Variants in CSMD1 observed in about 807,000 individuals in gnomAD.
The protein encoded by CSMD1 is CUB and Sushi multiple domains 1.
A neutral mutation model predicts 417.5 loss-of-function variants in CSMD1; 213 were observed. The ratio of observed to expected loss-of-function variants is 0.51; its 90% CI spans 0.46 to 0.57. The LOEUF is 0.57. CSMD1 is among the 20% of genes least tolerant of loss of function. The probability of loss-of-function intolerance (pLI) is 0.00; values close to 1 mark genes in which losing one functional copy is unlikely to be tolerated. For synonymous variants in CSMD1, 2,862 were observed against 1,736.8 expected (o/e 1.65, Z -16.11); for missense variants, 6,923 against 4,529.7 (o/e 1.53, Z -15.17).
intron 2 of CSMD1, among the ~76,000 whole-genome samples, chr8:4,526,032 C>T (rs940837692): frequency 1.4e-4 from 22 of 152,104 alleles, no homozygotes; most frequent in African/African-American, 4.1e-4. Flanking sequence ...AGGAGTGGAG[C>T]GGGTGATGAA....
At chr8:3,755,923 T>A (rs1797630966) in intron 5 of CSMD1, among the ~76,000 whole-genome samples, 1 of 152,136 alleles carries the variant, frequency 6.6e-6, no homozygotes. Flanking sequence ...CACCTTTTTT[T>A]ATTTTTCTGG....
In CSMD1 at chr8:4,189,538, G is replaced by T. The variant is rs950915852; in HGVS notation, c.416-157439C>A. 2.1e-4 allele frequency among the ~76,000 whole-genome samples: 32 copies of T among 152,144 alleles called. 1 individual carries two copies. The highest frequency in any genetic ancestry group is 6.7e-4 in the African/African-American group (28 of 41,490). On this transcript the variant is annotated intron_variant, in intron 3 of 69. Transcript: ENST00000635120. ...TATATTAAAGATCAATCAACTTTATGGTTACCATCAATTATCCCTCCAAAA... is the reference window on the plus strand; with the variant it reads ...TATATTAAAGATCAATCAACTTTATTGTTACCATCAATTATCCCTCCAAAA...
intron 3 of CSMD1, among the ~76,000 whole-genome samples, chr8:4,264,709 AC>A (rs1420824498): frequency 4.6e-5 from 7 of 152,286 alleles, no homozygotes; most frequent in African/African-American, 7.2e-5. Flanking sequence ...CTTAAAACAA[AC>A]ACTGATTAAC....
chr8:3,703,795 G>C (rs114815744), intron 7 of CSMD1, among the ~76,000 whole-genome samples: 5,788 of 152,208 alleles, frequency 0.038, 367 homozygotes, highest in African/African-American at 0.13. Context: ...TCTCAGCTGG[G>C]CATGGTGGCT....
intron 3 of CSMD1, among the ~76,000 whole-genome samples, chr8:4,206,097 G>C (rs191406227): frequency 3.1e-4 from 47 of 152,170 alleles, no homozygotes; most frequent in African/African-American, 9.6e-4. Flanking sequence ...TGAGTAAATA[G>C]GATAAACAAC....
At chr8:4,435,510 AC>A (rs1453041220) in intron 2 of CSMD1, among the ~76,000 whole-genome samples, 1 of 152,182 alleles carries the variant, frequency 6.6e-6, no homozygotes, top group African/African-American at 2.4e-5. Context: ...GTCCAGGAAA[AC>A]TGAAACCTTA....
intron 37 of CSMD1, among the ~76,000 whole-genome samples, chr8:3,178,458 T>C (rs1448146901): frequency 2.0e-5 from 3 of 152,060 alleles, no homozygotes; most frequent in African/African-American, 7.2e-5. Context: ...AAAACAGCCA[T>C]CTATACGTCA....
intron 1 of CSMD1, among the ~76,000 whole-genome samples, chr8:4,652,246 T>G (rs1803945440): frequency 6.6e-6 from 1 of 152,198 alleles, no homozygotes; most frequent in South Asian, 2.1e-4. Context: ...GGGAAAATGA[T>G]GTCAGAATAG....
chr8:4,148,041 T>C (rs1796360217), intron 3 of CSMD1, among the ~76,000 whole-genome samples: 1 of 152,078 alleles, frequency 6.6e-6, no homozygotes, highest in Non-Finnish European at 1.5e-5. Context: ...TTCTATGACC[T>C]TTACGGTAAA....
chr8:4,383,060 G>C (rs188514330), intron 3 of CSMD1, among the ~76,000 whole-genome samples: 1 of 152,130 alleles, frequency 6.6e-6, no homozygotes, highest in Non-Finnish European at 1.5e-5. Flanking sequence ...TAGGATTCGG[G>C]AGTAATAGCT....
intron 40 of CSMD1, among the ~76,000 whole-genome samples, chr8:3,144,492 T>C (rs965960256): frequency 6.6e-6 from 1 of 152,076 alleles, no homozygotes; most frequent in African/African-American, 2.4e-5. Context: ...AGAATTCTTT[T>C]TAGAATGAGT....
At chr8:3,268,287 C>CCTTTTTT (rs1801580454) in intron 26 of CSMD1, among the ~76,000 whole-genome samples, 1 of 114,652 alleles carries the variant, frequency 8.7e-6, no homozygotes, top group Non-Finnish European at 1.7e-5. Context: ...GGTTCATTTC[C>CCTTTTTT]TATTTTTTTT....
chr8:3,794,944 C>A (rs969682153), intron 5 of CSMD1, among the ~76,000 whole-genome samples: 6 of 151,482 alleles, frequency 4.0e-5, no homozygotes, highest in Non-Finnish European at 8.8e-5. Context: ...TAATGTATAG[C>A]TATAGATATA....
Position 2,937,892 on chromosome 8 carries a change from T to C in CSMD1, c.*693A>G, listed in dbSNP as rs200720030. ...TATAAACCCTGTGTAAATAATTTAT[T>C]TTTTTTATCAGAATCTTAGTCATTC... On this transcript the variant is annotated 3_prime_UTR_variant, in exon 70 of 70. Coordinates refer to ENST00000635120, the MANE Select transcript of CSMD1 (RefSeq NM_033225.6). The C allele has an allele frequency of 6.8e-5, 5 of 73,574 alleles. No individual in the cohort carries two copies. In the East Asian group the frequency reaches 6.6e-3, roughly 98 times the overall value. The allele number at this position is 73,574 out of a possible 1,614,324, so 4.6% of individuals were successfully genotyped here. A position where few individuals can be genotyped will look rare whatever the true frequency, so the allele number is the denominator to read the frequency against.
At chr8:3,953,383 A>G (rs1369142465) in intron 5 of CSMD1, among the ~76,000 whole-genome samples, 1 of 152,206 alleles carries the variant, frequency 6.6e-6, no homozygotes, top group Non-Finnish European at 1.5e-5. Flanking sequence ...AGGTGTTTAT[A>G]TATACTTAGA....
At chr8:4,335,769 C>T (rs1025575514) in intron 3 of CSMD1, among the ~76,000 whole-genome samples, 1 of 152,032 alleles carries the variant, frequency 6.6e-6, no homozygotes, top group African/African-American at 2.4e-5. Flanking sequence ...TCATCAATAC[C>T]TGAAGAGGAA....
intron 5 of CSMD1, among the ~76,000 whole-genome samples, chr8:3,770,988 G>GTT (rs1020047781): frequency 6.9e-6 from 1 of 145,500 alleles, no homozygotes; most frequent in Admixed American, 7.0e-5. Flanking sequence ...AATTTGGACA[G>GTT]TTTCTCTCTC....
At chr8:3,708,529 T>A in intron 6 of CSMD1, 38 bp from the exon 7 acceptor site, 4 of 1,568,280 alleles carry the variant, frequency 2.6e-6, no homozygotes, top group Non-Finnish European at 3.5e-6. Flanking sequence ...CAGGTAAGAC[T>A]TGGAGATCAT....
chr8:4,403,188 G>T (rs1388135252), intron 3 of CSMD1, among the ~76,000 whole-genome samples: 1 of 152,050 alleles, frequency 6.6e-6, no homozygotes, highest in East Asian at 1.9e-4. Context: ...TCTGATTACT[G>T]AAAGATATTA....
Sources: allele counts gnomAD v4.1 joint callset (sites outside exome capture counted in the v4.1 genomes callset), GRCh38; gene constraint gnomAD v4.1.1; transcripts MANE v1.5; gene names NCBI Gene and HGNC (gene_info 2026-07-23, HGNC 2026-07-21).